The following CALN1 variants were observed in gnomAD, a reference collection of about 807,000 sequenced individuals.
CALN1 encodes calcium-binding protein 8.
Under a neutral mutation model 30.6 loss-of-function variants are expected in CALN1, and 17 were observed. The observed-to-expected ratio is 0.56, with a 90% CI of 0.38 to 0.83. The LOEUF (loss-of-function observed/expected upper bound fraction) is 0.83, where lower values mean the gene tolerates loss of function less well. Among genes scored for constraint, CALN1 ranks in the 40% least tolerant of loss-of-function variants. The probability of loss-of-function intolerance (pLI) is 0.00; values close to 1 mark genes in which losing one functional copy is unlikely to be tolerated. For missense variants in CALN1, 291 were observed against 354.9 expected, an observed-to-expected ratio of 0.82 and a Z score of 1.45; for synonymous variants, 156 against 131.4, an observed-to-expected ratio of 1.19 and a Z score of -1.28.
At chr7:72,159,477 G>C (rs1787949805) in intron 3 of CALN1, among the ~76,000 whole-genome samples, 1 of 152,044 alleles carries the variant, frequency 6.6e-6, no homozygotes. Context: ...TCCAGCCTGG[G>C]CAACAGAGCG....
At chr7:72,340,899 T>A (rs7778366) in intron 2 of CALN1, among the ~76,000 whole-genome samples, 3 of 152,160 alleles carry the variant, frequency 2.0e-5, no homozygotes, top group Non-Finnish European at 4.4e-5. Context: ...TCTGCTGCCA[T>A]GTGAGATGTG....
chr7:72,241,207 T>C (rs1794804976), intron 3 of CALN1, among the ~76,000 whole-genome samples: 1 of 152,212 alleles, frequency 6.6e-6, no homozygotes, highest in African/African-American at 2.4e-5. Context: ...ACAATGAAAG[T>C]ATTCACCATT....
At chr7:72,257,145 G>A (rs904679576) in intron 3 of CALN1, among the ~76,000 whole-genome samples, 1 of 152,114 alleles carries the variant, frequency 6.6e-6, no homozygotes, top group Non-Finnish European at 1.5e-5. Flanking sequence ...GCGTGCACAG[G>A]GGAAACTGCC....
intron 2 of CALN1, among the ~76,000 whole-genome samples, chr7:72,296,217 T>C (rs1431703926): frequency 2.0e-5 from 3 of 150,974 alleles, no homozygotes; most frequent in Non-Finnish European, 4.4e-5. Flanking sequence ...TGAAGCCCAC[T>C]TGATCATGGT....
chr7:72,239,065 C>T (rs772796322), intron 3 of CALN1, among the ~76,000 whole-genome samples: 3 of 152,126 alleles, frequency 2.0e-5, no homozygotes, highest in Admixed American at 6.6e-5. Flanking sequence ...TGTTGTACTC[C>T]GTGACTTCTA....
intron 3 of CALN1, among the ~76,000 whole-genome samples, chr7:72,152,111 G>T (rs1787298299): frequency 1.3e-5 from 2 of 151,728 alleles, no homozygotes; most frequent in South Asian, 2.1e-4. Flanking sequence ...TCACCATGTT[G>T]GCCAGGCTGG....
rs1218502744 is a variant in CALN1, at chr7:72,227,238, A to G, written c.244+51448T>C. Among the ~76,000 whole-genome samples, 4 of 14,952 alleles carry G rather than the reference A, an allele frequency of 2.7e-4. No individual in the cohort carries two copies. In the East Asian group the frequency reaches 0.33, roughly 1,246 times the overall value. 9.8% of individuals were successfully genotyped at this position (14,952 alleles called of 152,430 possible). A position where few individuals can be genotyped will look rare whatever the true frequency, so the allele number is the denominator to read the frequency against. The stretch of plus-strand genomic sequence containing the variant: ...CTCTGAATCTAAAATTAAAAGCTTA[A>G]AAAAAAAAAAAAAGAGGGCAGCCGG... On this transcript the variant is annotated intron_variant, in intron 3 of 6. Transcript: ENST00000395275.
intron 2 of CALN1, among the ~76,000 whole-genome samples, chr7:72,317,255 G>T (rs1164679216): frequency 1.4e-5 from 2 of 141,856 alleles, no homozygotes; most frequent in African/African-American, 5.5e-5. Context: ...GGAGAGAGAA[G>T]GGGGGGACGG....
the CALN1 span, among the ~76,000 whole-genome samples, chr7:72,454,043 G>C: frequency 2.6e-5 from 4 of 151,674 alleles, no homozygotes; most frequent in African/African-American, 9.7e-5. Context: ...TTTGCTTTGG[G>C]AGAATTAAAT....
intron 5 of CALN1, among the ~76,000 whole-genome samples, chr7:71,956,451 G>GTA (rs1311715676): frequency 6.6e-6 from 1 of 150,914 alleles, no homozygotes; most frequent in East Asian, 1.9e-4. Context: ...TCAATTTAAA[G>GTA]TATTTTTTTT....
At chr7:71,942,036 T>G (rs1278343988) in intron 5 of CALN1, among the ~76,000 whole-genome samples, 1 of 151,966 alleles carries the variant, frequency 6.6e-6, no homozygotes, top group Admixed American at 6.6e-5. Context: ...CTGTCTCTAC[T>G]AAAAATACAA....
intron 5 of CALN1, among the ~76,000 whole-genome samples, chr7:71,990,155 C>T (rs180758074): frequency 2.7e-4 from 41 of 152,230 alleles, no homozygotes; most frequent in African/African-American, 9.9e-4. Context: ...CCGAAACCCA[C>T]TAAAACCAAA....
chr7:72,147,605 C>T (rs1786860348), intron 3 of CALN1, among the ~76,000 whole-genome samples: 1 of 151,914 alleles, frequency 6.6e-6, no homozygotes, highest in Non-Finnish European at 1.5e-5. Context: ...TGGGTATATA[C>T]CCAAAGGATT....
intron 5 of CALN1, among the ~76,000 whole-genome samples, chr7:71,916,408 G>T (rs772615045): frequency 6.6e-6 from 1 of 151,832 alleles, no homozygotes; most frequent in Admixed American, 6.6e-5. Flanking sequence ...GGCAAAGAGT[G>T]GGCAGAGGAG....
intron 5 of CALN1, among the ~76,000 whole-genome samples, chr7:71,947,168 G>C (rs563587542): frequency 1.3e-5 from 2 of 151,868 alleles, no homozygotes; most frequent in Non-Finnish European, 2.9e-5. Flanking sequence ...CCACCACCAC[G>C]CCTGGCTAAT....
At chr7:71,855,305 A>C (rs958692544) in intron 5 of CALN1, among the ~76,000 whole-genome samples, 1 of 152,160 alleles carries the variant, frequency 6.6e-6, no homozygotes, top group Non-Finnish European at 1.5e-5. Context: ...TCCGTGTTTC[A>C]TGAAGCTTTC....
Position 72,273,299 on chromosome 7 carries a change from A to C in CALN1, c.244+5387T>G, listed in dbSNP as rs571864535. Among the ~76,000 whole-genome samples the C allele has an allele frequency of 5.9e-5, 9 of 151,622 alleles. No homozygotes were observed. The South Asian group carries it at 1.9e-3, about 32-fold the overall frequency. On this transcript the variant is annotated intron_variant, in intron 3 of 6. Coordinates refer to ENST00000395275, the MANE Select transcript of CALN1 (RefSeq NM_031468.4). ...TCGCCAGGCGTGGTGGTGCATGCCC[A>C]TAATCCCAGCTACTCAGGAGGCTGA... is the stretch of plus-strand genomic sequence containing the variant.
intron 2 of CALN1, among the ~76,000 whole-genome samples, chr7:72,391,708 T>C (rs779979017): frequency 3.9e-5 from 6 of 152,122 alleles, no homozygotes; most frequent in Non-Finnish European, 8.8e-5. Context: ...GCACAAGTTT[T>C]TTTGTTTTTT....
chr7:72,315,684 G>C (rs955029981), intron 2 of CALN1, among the ~76,000 whole-genome samples: 6 of 151,248 alleles, frequency 4.0e-5, no homozygotes, highest in Admixed American at 4.0e-4. Flanking sequence ...CAGCCTGTGT[G>C]ACACAGTGAG....
Sources: allele counts gnomAD v4.1 joint callset (sites outside exome capture counted in the v4.1 genomes callset), GRCh38; gene constraint gnomAD v4.1.1; transcripts MANE v1.5; gene names NCBI Gene and HGNC (gene_info 2026-07-23, HGNC 2026-07-21).